Variants in HPF1 observed in about 807,000 individuals in gnomAD.
The protein encoded by HPF1 is UPF0609 protein C4orf27.
A neutral mutation model predicts 38.8 loss-of-function variants in HPF1; 35 were observed. That is an observed-to-expected ratio of 0.90 (90% CI 0.69 to 1.19). HPF1 has a LOEUF of 1.19. Among genes scored for constraint, HPF1 ranks in the 50% most tolerant of loss-of-function variants. HPF1 has a pLI of 0.00. For missense variants in HPF1, 367 were observed against 405.8 expected, an observed-to-expected ratio of 0.90 and a Z score of 0.82; for synonymous variants, 115 against 139.2, an observed-to-expected ratio of 0.83 and a Z score of 1.22.
At chr4:169,757,325 G>A (rs2150294604) in intron 1 of HPF1, among the ~76,000 whole-genome samples, 1 of 152,266 alleles carries the variant, frequency 6.6e-6, no homozygotes, top group Non-Finnish European at 1.5e-5. Context: ...TGTCTTAAAA[G>A]TCTTCTTTAA....
In HPF1 at chr4:169,729,557, C is replaced by T; in HGVS notation, c.*21G>A. ...AATACTAGTCCTTTGAAATACTGTA[C>T]ACCAATCAAAGCCACCTTACTCATG... On this transcript the variant is annotated 3_prime_UTR_variant, in exon 8 of 8. Coordinates refer to ENST00000393381, the MANE Select transcript of HPF1 (RefSeq NM_017867.3). The T allele has an allele frequency of 1.3e-6, 2 of 1,486,372 alleles. No homozygotes were observed. Among genetic ancestry groups the T allele is most frequent in the Middle Eastern group, 1.8e-4 (1 of 5,598 alleles). 92.1% of individuals were successfully genotyped at this position (1,486,372 alleles called of 1,614,324 possible).
At chr4:169,755,329 A>C (rs1273260751) in intron 1 of HPF1, among the ~76,000 whole-genome samples, 1 of 152,106 alleles carries the variant, frequency 6.6e-6, no homozygotes, top group Non-Finnish European at 1.5e-5. Context: ...CTTATACATG[A>C]ATTTTTTTTC....
chr4:169,749,476 C>T (rs1358620691), intron 3 of HPF1, among the ~76,000 whole-genome samples: 1 of 152,096 alleles, frequency 6.6e-6, no homozygotes, highest in African/African-American at 2.4e-5. Flanking sequence ...TCAAATTATT[C>T]GATCTGCTAA....
chr4:169,743,030 G>A (rs2150291190), intron 4 of HPF1, among the ~76,000 whole-genome samples: 1 of 151,760 alleles, frequency 6.6e-6, no homozygotes, highest in South Asian at 2.1e-4. Flanking sequence ...GAACCCGGGA[G>A]GTAGAGGTTG....
chr4:169,749,236 A>G (rs1734086874), intron 3 of HPF1, among the ~76,000 whole-genome samples: 2 of 152,226 alleles, frequency 1.3e-5, no homozygotes, highest in South Asian at 4.1e-4. Context: ...AGTTAGGCTT[A>G]AATTTATACT....
chr4:169,732,298 G>A (rs1167595897), intron 6 of HPF1, among the ~76,000 whole-genome samples: 1 of 152,006 alleles, frequency 6.6e-6, no homozygotes, highest in Non-Finnish European at 1.5e-5. Context: ...ATGCCACCAC[G>A]CCCAGCTAAT....
In HPF1 at chr4:169,729,666, T is replaced by C. The variant is rs1467716762; in HGVS notation, c.953A>G (p.Asn318Ser). The C allele has an allele frequency of 1.9e-6, 3 of 1,576,710 alleles. No individual in the cohort carries two copies. Among genetic ancestry groups the C allele is most frequent in the Non-Finnish European group, 2.6e-6 (3 of 1,164,256 alleles). ...VAGQLLPLAY[N>S]LLKRNLFAEI... Reference sequence around the variant, plus strand: ...TGCAAACAGATTCCTCTTCAACAGATTATATGCAAGAGGTAAAAGCTGGCC... The same window carrying C: ...TGCAAACAGATTCCTCTTCAACAGACTATATGCAAGAGGTAAAAGCTGGCC... The change falls in exon 8 of 8, where the codon AAT becomes AGT. Residue 318 changes from asparagine (N) to serine (S), a missense_variant. Asn to Ser is a conservative substitution (Grantham distance 46). Transcript: ENST00000393381.
chr4:169,745,550 T>A (rs1335561498), intron 4 of HPF1, among the ~76,000 whole-genome samples: 1 of 152,232 alleles, frequency 6.6e-6, no homozygotes, highest in Non-Finnish European at 1.5e-5. Flanking sequence ...AGGGCTTTTT[T>A]TTCCCTTGAG....
intron 1 of HPF1, among the ~76,000 whole-genome samples, chr4:169,754,701 CT>C (rs1734162657): frequency 1.3e-5 from 2 of 152,204 alleles, no homozygotes; most frequent in South Asian, 4.2e-4. Context: ...AGCAGTGGTT[CT>C]CAACCGGTGG....
At chr4:169,744,302 CCT>C (rs917298703) in intron 4 of HPF1, among the ~76,000 whole-genome samples, 1 of 152,192 alleles carries the variant, frequency 6.6e-6, no homozygotes, top group African/African-American at 2.4e-5. Context: ...CATAAAATAT[CCT>C]CTTTTACCTC....
At chr4:169,731,274 T>C (rs1033143239) in intron 7 of HPF1, among the ~76,000 whole-genome samples, 27 of 152,206 alleles carry the variant, frequency 1.8e-4, no homozygotes, top group African/African-American at 6.5e-4. Flanking sequence ...AAGTGCATTT[T>C]TCATCTAAGA....
At chr4:169,757,196 T>G (rs1734198548) in intron 1 of HPF1, among the ~76,000 whole-genome samples, 1 of 152,174 alleles carries the variant, frequency 6.6e-6, no homozygotes, top group African/African-American at 2.4e-5. Flanking sequence ...CAGGTCCCTC[T>G]TATTTTCCCA....
intron 2 of HPF1, 30 bp downstream of exon 2, chr4:169,753,646 T>C: frequency 6.3e-7 from 1 of 1,587,982 alleles, no homozygotes; most frequent in Non-Finnish European, 8.6e-7. Context: ...CTCTTTCCAT[T>C]AATACAAGAA....
At chr4:169,737,263 C>T (rs1268679767) in intron 6 of HPF1, among the ~76,000 whole-genome samples, 6 of 130,200 alleles carry the variant, frequency 4.6e-5, no homozygotes, top group African/African-American at 1.7e-4. Context: ...GCACTCCAGC[C>T]TGGGCGACAG....
chr4:169,731,877 C>A lies in HPF1; in HGVS notation c.737-1G>T. 1 of 1,608,266 alleles carries A rather than the reference C, an allele frequency of 6.2e-7. No individual in the cohort carries two copies. The highest frequency in any genetic ancestry group is 8.5e-7 in the Non-Finnish European group (1 of 1,175,090). Reference sequence around the variant, plus strand: ...GTCTTGCAAATTCTCTTGAGGTCAGCTGAAAGAAATCAATAATATAAAAGA... The same window carrying A: ...GTCTTGCAAATTCTCTTGAGGTCAGATGAAAGAAATCAATAATATAAAAGA... On this transcript the variant is annotated splice_acceptor_variant, in intron 6 of 7. Transcript: ENST00000393381. LOFTEE classifies it high-confidence loss of function.
intron 7 of HPF1, among the ~76,000 whole-genome samples, chr4:169,731,339 G>C (rs1389884641): frequency 6.6e-6 from 1 of 152,046 alleles, no homozygotes; most frequent in African/African-American, 2.4e-5. Flanking sequence ...TGGAGCCTAA[G>C]GTGTGTGCAC....
rs984268470 is a variant in HPF1, at chr4:169,750,838, A to C, written c.209-113T>G. On this transcript the variant is annotated intron_variant, in intron 2 of 7. Transcript: ENST00000393381. ...CTTTAAAAAGTTTCTAAACTAAAAA[A>C]ATCTTGAGTTATGTGTGAAGATGTC... 4 of 763,166 alleles carry C rather than the reference A, an allele frequency of 5.2e-6. No homozygotes were observed. In the African/African-American group the frequency reaches 7.1e-5, roughly 14 times the overall value. 47.3% of individuals were successfully genotyped at this position (763,166 alleles called of 1,614,324 possible).
In HPF1 at chr4:169,731,643, T is replaced by C. The variant is rs1312448024; in HGVS notation, c.909+61A>G. 10 of 1,283,638 alleles carry C rather than the reference T, an allele frequency of 7.8e-6. No individual in the cohort carries two copies. The African/African-American group carries it at 1.2e-4, about 16-fold the overall frequency. 79.5% of individuals were successfully genotyped at this position (1,283,638 alleles called of 1,614,324 possible). A position where few individuals can be genotyped will look rare whatever the true frequency, so the allele number is the denominator to read the frequency against. ...GTGCACGTATTCATGTGTGGATGTA[T>C]GTCGCGGGGAGAGGAGGGAGGTGTG... is the stretch of plus-strand genomic sequence containing the variant. On this transcript the variant is annotated intron_variant, in intron 7 of 7. Transcript: ENST00000393381.
intron 3 of HPF1, 21 bp downstream of exon 3, chr4:169,750,515 G>A: frequency 6.5e-7 from 1 of 1,536,062 alleles, no homozygotes; most frequent in Non-Finnish European, 8.9e-7. Flanking sequence ...GTATTTTAGA[G>A]GCGAAGAAAA....
Sources: gnomAD v4.1 joint callset for allele counts (sites outside exome capture counted in the v4.1 genomes callset) on GRCh38, gnomAD v4.1.1 for gene constraint, MANE v1.5 for transcripts, NCBI Gene and HGNC (gene_info 2026-07-23, HGNC 2026-07-21) for gene names.